Variants in NBEA observed in about 807,000 individuals in gnomAD.
The protein encoded by NBEA is lysosomal-trafficking regulator 2.
In NBEA, 44 loss-of-function variants were observed where a neutral mutation model predicts 343.4. The ratio of observed to expected loss-of-function variants is 0.13; its 90% confidence interval spans 0.10 to 0.16. The LOEUF is 0.16. NBEA is among the 10% of genes least tolerant of loss of function. The pLI, the probability that NBEA is intolerant of heterozygous loss-of-function variation, is 1.00. For missense variants in NBEA, 2,555 were observed against 3,631.3 expected (o/e 0.70, Z 7.62); for synonymous variants, 1,175 against 1,238.7 (o/e 0.95, Z 1.08).
chr13:35,375,933 C>T (rs1005370894), intron 38 of NBEA, among the ~76,000 whole-genome samples: 13 of 152,042 alleles, frequency 8.6e-5, no homozygotes, highest in African/African-American at 3.1e-4. Context: ...AATGTAATGC[C>T]TTTGTGTTAA....
chr13:35,315,980 T>C (rs1003865967), intron 36 of NBEA, among the ~76,000 whole-genome samples: 16 of 151,504 alleles, frequency 1.1e-4, no homozygotes, highest in African/African-American at 3.9e-4. Flanking sequence ...TTTCCTAAAG[T>C]AGATATTCTG....
intron 1 of NBEA, among the ~76,000 whole-genome samples, chr13:34,960,347 A>G (rs943072589): frequency 6.6e-6 from 1 of 152,178 alleles, no homozygotes; most frequent in African/African-American, 2.4e-5. Flanking sequence ...AGTTAAAAAA[A>G]TGAAAGTTTA....
At chr13:35,039,357 GC>G (rs1425091416) in intron 1 of NBEA, among the ~76,000 whole-genome samples, 1 of 152,158 alleles carries the variant, frequency 6.6e-6, no homozygotes, top group Non-Finnish European at 1.5e-5. Context: ...TTATGAAGAA[GC>G]TTTTTTCTGT....
At chr13:35,445,790 A>ATATATATATATATATATG (rs2045977769) in intron 39 of NBEA, among the ~76,000 whole-genome samples, 1 of 69,924 alleles carries the variant, frequency 1.4e-5, no homozygotes. Context: ...GTTTATATAT[A>ATATATATATATATATATG]TATATATATA....
At chr13:35,407,118 C>T (rs2043310641) in intron 38 of NBEA, among the ~76,000 whole-genome samples, 1 of 125,898 alleles carries the variant, frequency 7.9e-6, no homozygotes, top group Non-Finnish European at 1.8e-5. Flanking sequence ...CGCCACCACA[C>T]CTGGCTAATT....
At position 35,638,578 on chromosome 13, in the gene NBEA, C is replaced by T. The variant is rs192506764; in HGVS notation, c.7618-7291C>T. On this transcript the variant is annotated intron_variant, in intron 49 of 58. Coordinates refer to ENST00000379939, the MANE Select transcript of NBEA (RefSeq NM_001385012.1). ...GCAAGGGAGCACAGGTCTATGGAGGCGCATCTTCCAGAGCCAAAGAAGGTG... is the reference window on the plus strand; with the variant it reads ...GCAAGGGAGCACAGGTCTATGGAGGTGCATCTTCCAGAGCCAAAGAAGGTG... 4.9e-4 allele frequency among the ~76,000 whole-genome samples: 75 copies of T among 152,290 alleles called. No individual in the cohort carries two copies. The East Asian group carries it at 7.9e-3, about 16-fold the overall frequency.
intron 1 of NBEA, among the ~76,000 whole-genome samples, chr13:34,954,214 G>A (rs765157741): frequency 6.6e-6 from 1 of 152,134 alleles, no homozygotes; most frequent in Non-Finnish European, 1.5e-5. Flanking sequence ...TTGTATACCA[G>A]GAACTTGGGA....
chr13:35,356,099 A>G (rs779451978), intron 38 of NBEA, among the ~76,000 whole-genome samples: 81 of 152,172 alleles, frequency 5.3e-4, no homozygotes, highest in Admixed American at 2.4e-3. Flanking sequence ...AAATTAATGA[A>G]TAAACACTTG....
At chr13:34,949,442 C>A (rs906207436) in intron 1 of NBEA, among the ~76,000 whole-genome samples, 1 of 152,284 alleles carries the variant, frequency 6.6e-6, no homozygotes, top group Middle Eastern at 3.4e-3. Context: ...GGCCTGCATT[C>A]TTTTACTTCT....
At chr13:35,037,395 T>C (rs1387416841) in intron 1 of NBEA, among the ~76,000 whole-genome samples, 1 of 152,206 alleles carries the variant, frequency 6.6e-6, no homozygotes. Context: ...CCAGGATTGA[T>C]TCTTGGTGCC....
intron 34 of NBEA, among the ~76,000 whole-genome samples, chr13:35,289,987 T>C (rs2035699291): frequency 6.6e-6 from 1 of 151,870 alleles, no homozygotes; most frequent in Non-Finnish European, 1.5e-5. Context: ...ATTATTGTTC[T>C]TTGCTCCAAG....
rs539804011 is a variant in NBEA at position 34,989,540 on chromosome 13, G to A, written c.294+46426G>A. ...ATGGGAACTCACTGTCATGAGAACCGCAAAGGGGAAGTCTGCCTCCGTGGT... is the reference window on the plus strand; with the variant it reads ...ATGGGAACTCACTGTCATGAGAACCACAAAGGGGAAGTCTGCCTCCGTGGT... On this transcript the variant is annotated intron_variant, in intron 1 of 58. Transcript: ENST00000379939. Among the ~76,000 whole-genome samples, 12 of 150,852 alleles carry A rather than the reference G, an allele frequency of 8.0e-5. 1 individual carries two copies. The highest frequency in any genetic ancestry group is 2.1e-4 in the South Asian group (1 of 4,750).
intron 41 of NBEA, among the ~76,000 whole-genome samples, chr13:35,544,488 G>A (rs2322668): frequency 0.59 from 89,469 of 152,044 alleles, 26,688 homozygotes; most frequent in East Asian, 0.84. Flanking sequence ...TGTCCGATAC[G>A]CATGAGTGCA....
intron 13 of NBEA, among the ~76,000 whole-genome samples, chr13:35,113,720 T>C (rs960816318): frequency 1.2e-4 from 18 of 152,136 alleles, no homozygotes; most frequent in African/African-American, 4.3e-4. Context: ...AAGGGCCAGA[T>C]AGTGTTTTAG....
chr13:35,085,632 A>C (rs1266187164), intron 10 of NBEA, among the ~76,000 whole-genome samples: 1 of 152,156 alleles, frequency 6.6e-6, no homozygotes, highest in African/African-American at 2.4e-5. Flanking sequence ...TATCATACTG[A>C]ATGGGCAAAA....
chr13:35,290,124 A>G (rs142458959), intron 34 of NBEA, among the ~76,000 whole-genome samples: 59 of 151,776 alleles, frequency 3.9e-4, no homozygotes, highest in African/African-American at 1.4e-3. Flanking sequence ...CAAAGCATGA[A>G]GTCAGTTTTC....
chr13:35,311,118 G>A (rs747509442), intron 36 of NBEA, among the ~76,000 whole-genome samples: 22 of 151,916 alleles, frequency 1.4e-4, no homozygotes, highest in Non-Finnish European at 2.6e-4. Flanking sequence ...CTTTTATAAC[G>A]CAAATAGTGT....
chr13:35,510,498 C>T (rs761739653), intron 41 of NBEA, among the ~76,000 whole-genome samples: 6 of 152,162 alleles, frequency 3.9e-5, no homozygotes, highest in Non-Finnish European at 5.9e-5. Flanking sequence ...AAGGGCCTGC[C>T]ATGCACCAGC....
chr13:35,154,590 A>G (rs1004239864), intron 18 of NBEA, among the ~76,000 whole-genome samples: 6 of 152,236 alleles, frequency 3.9e-5, no homozygotes, highest in African/African-American at 1.4e-4. Context: ...TTAATTTAAC[A>G]AATATTTACT....
Sources: gnomAD v4.1 joint callset for allele counts (sites outside exome capture counted in the v4.1 genomes callset) on GRCh38, gnomAD v4.1.1 for gene constraint, MANE v1.5 for transcripts, NCBI Gene and HGNC (gene_info 2026-07-23, HGNC 2026-07-21) for gene names.